Variants in ERC1 observed in about 807,000 individuals in gnomAD.
ERC1 encodes the protein RAB6 interacting protein 2.
A neutral mutation model predicts 132.0 loss-of-function variants in ERC1; 56 were observed. The observed-to-expected ratio is 0.42, with a 90% CI of 0.34 to 0.53. The LOEUF is 0.53. ERC1 is among the 20% of genes least tolerant of loss of function. The probability of loss-of-function intolerance (pLI) is 0.03; values close to 1 mark genes in which losing one functional copy is unlikely to be tolerated. For synonymous variants in ERC1, 478 were observed against 476.1 expected (o/e 1.00, Z -0.05); for missense variants, 1,202 against 1,349.9 (o/e 0.89, Z 1.72).
chr12:1,311,545 G>T (rs773688965), intron 15 of ERC1, among the ~76,000 whole-genome samples: 40 of 152,108 alleles, frequency 2.6e-4, no homozygotes, highest in Non-Finnish European at 4.3e-4. Context: ...ATACATAGTT[G>T]TCCTATTAAT....
chr12:1,053,705 C>T lies in ERC1; in HGVS notation c.669+25133C>T, dbSNP rs574660726. Among the ~76,000 whole-genome samples, 57 of 152,298 alleles carry T rather than the reference C, an allele frequency of 3.7e-4. 1 individual carries two copies. Among genetic ancestry groups the T allele is most frequent in the African/African-American group, 1.3e-3 (55 of 41,560 alleles). On this transcript the variant is annotated intron_variant, in intron 2 of 18. Coordinates refer to ENST00000360905, the MANE Select transcript of ERC1 (RefSeq NM_178040.4). ...GACTATTTGTTCCCTCTTGCTAGAACTCTTTATCTTCACTCATTAACTAAA... is the reference window on the plus strand; with the variant it reads ...GACTATTTGTTCCCTCTTGCTAGAATTCTTTATCTTCACTCATTAACTAAA...
At chr12:1,247,393 A>G (rs2076219507) in intron 13 of ERC1, among the ~76,000 whole-genome samples, 2 of 152,222 alleles carry the variant, frequency 1.3e-5, no homozygotes, top group Non-Finnish European at 2.9e-5. Flanking sequence ...GTAAACCATA[A>G]ACATTACAGG....
chr12:1,063,226 G>A (rs765665726), intron 2 of ERC1, among the ~76,000 whole-genome samples: 3 of 145,964 alleles, frequency 2.1e-5, no homozygotes, highest in Middle Eastern at 3.4e-3. Context: ...GTGCCACCAC[G>A]CCTGGCTGAT....
At chr12:1,236,416 T>C (rs2075416297) in intron 12 of ERC1, among the ~76,000 whole-genome samples, 1 of 152,236 alleles carries the variant, frequency 6.6e-6, no homozygotes, top group Admixed American at 6.5e-5. Context: ...TCAGCCATTC[T>C]AATATTTCAG....
intron 12 of ERC1, among the ~76,000 whole-genome samples, chr12:1,212,515 A>T (rs1957972143): frequency 6.6e-6 from 1 of 152,186 alleles, no homozygotes; most frequent in Admixed American, 6.5e-5. Flanking sequence ...ATTTGAGAGC[A>T]CGAACAATTT....
chr12:1,308,133 G>A (rs538887490), intron 15 of ERC1, among the ~76,000 whole-genome samples: 20 of 152,256 alleles, frequency 1.3e-4, no homozygotes, highest in South Asian at 2.1e-4. Flanking sequence ...GGATAGAGGC[G>A]AGAGGAGAAT....
intron 15 of ERC1, among the ~76,000 whole-genome samples, chr12:1,362,165 A>C (rs2086189169): frequency 6.6e-6 from 1 of 152,220 alleles, no homozygotes; most frequent in African/African-American, 2.4e-5. Flanking sequence ...ATGATATTTA[A>C]CACTAAGTGG....
chr12:1,261,150 G>A (rs75826099), intron 13 of ERC1, among the ~76,000 whole-genome samples: 5,998 of 152,250 alleles, frequency 0.039, 175 homozygotes, highest in East Asian at 0.074. Context: ...CCACGCAGAT[G>A]TACAAGTGAA....
At chr12:1,091,579 C>T (rs74912252) in intron 3 of ERC1, among the ~76,000 whole-genome samples, 12,864 of 152,206 alleles carry the variant, frequency 0.085, 643 homozygotes, top group Admixed American at 0.16. Context: ...ACCAACCATG[C>T]GCACAGCACT....
chr12:1,474,554 A>G (rs1263146243), intron 18 of ERC1, among the ~76,000 whole-genome samples: 1 of 152,152 alleles, frequency 6.6e-6, no homozygotes, highest in Non-Finnish European at 1.5e-5. Context: ...TTTACTAGAG[A>G]GAAAATGTTG....
intron 1 of ERC1, among the ~76,000 whole-genome samples, chr12:1,002,580 AT>A (rs1468191774): frequency 6.6e-6 from 1 of 152,100 alleles, no homozygotes; most frequent in Non-Finnish European, 1.5e-5. Context: ...CATATGTAGA[AT>A]TTTAGATAAT....
chr12:1,276,785 A>G (rs2078305168), intron 14 of ERC1, among the ~76,000 whole-genome samples: 1 of 152,216 alleles, frequency 6.6e-6, no homozygotes, highest in Non-Finnish European at 1.5e-5. Flanking sequence ...GAGCGAATAA[A>G]TGAAATTTTG....
chr12:1,440,661 TGTGTGTGA>T (rs1358836842), intron 17 of ERC1, among the ~76,000 whole-genome samples: 9 of 118,250 alleles, frequency 7.6e-5, no homozygotes, highest in African/African-American at 1.7e-4. Flanking sequence ...TGTGTGTGTG[TGTGTGTGA>T]TGGAGTCTCA....
chr12:1,407,882 A>C, intron 16 of ERC1, among the ~76,000 whole-genome samples: 1 of 151,946 alleles, frequency 6.6e-6, no homozygotes, highest in Middle Eastern at 3.2e-3. Context: ...ACTTCATTTA[A>C]CCTTAATTAC....
intron 7 of ERC1, among the ~76,000 whole-genome samples, chr12:1,122,663 C>CTGTG (rs1401449594): frequency 0.015 from 2,273 of 149,934 alleles, 522 homozygotes; most frequent in Non-Finnish European, 0.021. Context: ...CTATCTCTAT[C>CTGTG]TCTGCCTATT....
chr12:1,180,312 CAT>C (rs144267689), intron 8 of ERC1, among the ~76,000 whole-genome samples: 7,183 of 149,812 alleles, frequency 0.048, 247 homozygotes, highest in Middle Eastern at 0.082. Context: ...CGCGCATACA[CAT>C]GTGTACTTTT....
intron 3 of ERC1, among the ~76,000 whole-genome samples, chr12:1,097,292 G>C (rs908236249): frequency 2.6e-5 from 4 of 152,160 alleles, no homozygotes; most frequent in Admixed American, 6.5e-5. Context: ...CTGGATTTTG[G>C]TACCTTCCTT....
At chr12:1,122,187 A>G (rs1371061939) in intron 7 of ERC1, among the ~76,000 whole-genome samples, 1 of 75,642 alleles carries the variant, frequency 1.3e-5, no homozygotes, top group Non-Finnish European at 2.7e-5. Flanking sequence ...CTCTATCTCT[A>G]TCTCTATCTC....
chr12:1,227,708 G>T (rs114521240), intron 12 of ERC1, among the ~76,000 whole-genome samples: 37 of 152,202 alleles, frequency 2.4e-4, no homozygotes, highest in African/African-American at 8.9e-4. Context: ...TTGGGGTCAT[G>T]TCCAAAAAAT....
Sources: gnomAD v4.1 joint callset for allele counts (sites outside exome capture counted in the v4.1 genomes callset) on GRCh38, gnomAD v4.1.1 for gene constraint, MANE v1.5 for transcripts, NCBI Gene and HGNC (gene_info 2026-07-23, HGNC 2026-07-21) for gene names.